Variants in SPDYA observed in about 807,000 individuals in gnomAD.
The protein encoded by SPDYA is speedy/RINGO cell cycle regulator family member A, also known as speedy protein A.
A neutral mutation model predicts 36.7 loss-of-function variants in SPDYA; 11 were observed. The ratio of observed to expected loss-of-function variants is 0.30; its 90% CI spans 0.19 to 0.50. The LOEUF (loss-of-function observed/expected upper bound fraction) is 0.50, where lower values mean the gene tolerates loss of function less well. Among genes scored for constraint, SPDYA ranks in the 20% least tolerant of loss-of-function variants. SPDYA has a pLI of 0.98. For synonymous variants in SPDYA, 115 were observed against 118.7 expected, an observed-to-expected ratio of 0.97 and a Z score of 0.20; for missense variants, 287 against 370.9, an observed-to-expected ratio of 0.77 and a Z score of 1.86.
At chr2:28,814,036 T>C (rs1667923371) in intron 1 of SPDYA, among the ~76,000 whole-genome samples, 1 of 152,210 alleles carries the variant, frequency 6.6e-6, no homozygotes, top group South Asian at 2.1e-4. Flanking sequence ...ATAATTGCCT[T>C]CAATTTGGCA....
chr2:28,818,461 A>G (rs1367778995), intron 3 of SPDYA, among the ~76,000 whole-genome samples: 1 of 122,338 alleles, frequency 8.2e-6, no homozygotes, highest in Non-Finnish European at 1.7e-5. Flanking sequence ...AAAAAAAAAA[A>G]GAGAAAGAGA....
chr2:28,812,733 T>C (rs1403145882), intron 1 of SPDYA, among the ~76,000 whole-genome samples: 1 of 151,724 alleles, frequency 6.6e-6, no homozygotes, highest in Non-Finnish European at 1.5e-5. Context: ...GGCAGGCTCC[T>C]GTAATCCCAA....
At chr2:28,817,876 A>G (rs1668027393) in intron 3 of SPDYA, among the ~76,000 whole-genome samples, 1 of 145,948 alleles carries the variant, frequency 6.9e-6, no homozygotes, top group Non-Finnish European at 1.5e-5. Context: ...AAAAAAAAAA[A>G]AAGGCTGGAT....
At chr2:28,814,339 CAA>C (rs1005197323) in intron 1 of SPDYA, among the ~76,000 whole-genome samples, 2 of 149,942 alleles carry the variant, frequency 1.3e-5, no homozygotes, top group African/African-American at 2.5e-5. Flanking sequence ...TCTAAAGTAA[CAA>C]AAAAAAGAAA....
chr2:28,833,494 A>T (rs1668523100), intron 6 of SPDYA, among the ~76,000 whole-genome samples: 1 of 152,288 alleles, frequency 6.6e-6, no homozygotes, highest in East Asian at 1.9e-4. Flanking sequence ...CCTCAGAGAG[A>T]CCTTTCCTTA....
chr2:28,838,270 C>A (rs1668662966), intron 6 of SPDYA, among the ~76,000 whole-genome samples: 2 of 151,590 alleles, frequency 1.3e-5, no homozygotes, highest in Non-Finnish European at 2.9e-5. Flanking sequence ...CAACCTCCAC[C>A]TCCCAGGTTC....
intron 5 of SPDYA, among the ~76,000 whole-genome samples, chr2:28,827,642 GT>G (rs953065599): frequency 4.0e-5 from 6 of 150,820 alleles, no homozygotes; most frequent in South Asian, 2.1e-4. Context: ...TTATCTAATG[GT>G]TTTTTTTTCT....
intron 7 of SPDYA, among the ~76,000 whole-genome samples, chr2:28,847,853 T>A (rs537849798): frequency 2.0e-5 from 3 of 152,112 alleles, no homozygotes; most frequent in Non-Finnish European, 4.4e-5. Context: ...AGACCTGTAC[T>A]GCAACACAGT....
intron 5 of SPDYA, among the ~76,000 whole-genome samples, chr2:28,824,713 AT>A (rs1328349784): frequency 2.7e-5 from 4 of 150,296 alleles, no homozygotes; most frequent in Non-Finnish European, 4.4e-5. Flanking sequence ...CGCCCGGCTA[AT>A]TTTTTTTTGT....
intron 6 of SPDYA, among the ~76,000 whole-genome samples, chr2:28,834,021 T>C (rs1012617344): frequency 2.0e-5 from 3 of 151,062 alleles, no homozygotes; most frequent in Non-Finnish European, 4.4e-5. Flanking sequence ...ACAATCAATT[T>C]AAAAAATGGG....
chr2:28,825,727 A>C (rs930858950), intron 5 of SPDYA, among the ~76,000 whole-genome samples: 1 of 151,912 alleles, frequency 6.6e-6, no homozygotes, highest in African/African-American at 2.4e-5. Flanking sequence ...TCAATTACTA[A>C]CATATAGGAG....
chr2:28,814,508 G>C (rs1231392760), intron 1 of SPDYA, 105 bp from the exon 2 acceptor site: 1 of 152,086 alleles, frequency 6.6e-6, no homozygotes, highest in African/African-American at 2.4e-5. Context: ...AATTTTATCT[G>C]TTTTGTTTTG....
chr2:28,819,826 A>G, intron 4 of SPDYA, among the ~76,000 whole-genome samples: 1 of 30,550 alleles, frequency 3.3e-5, no homozygotes, highest in Non-Finnish European at 5.5e-5. Flanking sequence ...CTCTTAAAAA[A>G]AAAAAAAAAA....
intron 6 of SPDYA, among the ~76,000 whole-genome samples, chr2:28,834,836 A>G (rs2148098038): frequency 6.6e-6 from 1 of 152,298 alleles, no homozygotes. Flanking sequence ...GTACATTTCA[A>G]TTGGGTGATT....
intron 7 of SPDYA, among the ~76,000 whole-genome samples, chr2:28,849,216 T>TG (rs1446051289): frequency 6.6e-6 from 1 of 152,212 alleles, no homozygotes; most frequent in Non-Finnish European, 1.5e-5. Context: ...GTATGGTATG[T>TG]GGTAAGTGCT....
chr2:28,828,891 C>T (rs1312536328), intron 5 of SPDYA, among the ~76,000 whole-genome samples: 1 of 152,204 alleles, frequency 6.6e-6, no homozygotes, highest in Non-Finnish European at 1.5e-5. Flanking sequence ...ATAAAAGCAA[C>T]ATCTGAAAGA....
intron 7 of SPDYA, among the ~76,000 whole-genome samples, chr2:28,847,288 A>C (rs1668901068): frequency 6.6e-6 from 1 of 152,198 alleles, no homozygotes; most frequent in Non-Finnish European, 1.5e-5. Flanking sequence ...GGTTGCAGTG[A>C]GCCAAGACCA....
At chr2:28,846,453 C>A (rs376078836) in intron 7 of SPDYA, among the ~76,000 whole-genome samples, 1 of 151,948 alleles carries the variant, frequency 6.6e-6, no homozygotes, top group Non-Finnish European at 1.5e-5. Context: ...TTAAAGACAT[C>A]AGGAAAGTTT....
intron 4 of SPDYA, 140 bp from the exon 5 acceptor site, chr2:28,822,185 A>T: frequency 2.5e-6 from 1 of 402,342 alleles, no homozygotes. Flanking sequence ...GAATCCAAAA[A>T]TTAAGTACAC....
Sources: allele counts gnomAD v4.1 joint callset (sites outside exome capture counted in the v4.1 genomes callset), GRCh38; gene constraint gnomAD v4.1.1; transcripts MANE v1.5; gene names NCBI Gene and HGNC (gene_info 2026-07-23, HGNC 2026-07-21).